Variants in HDHD2 observed in about 807,000 individuals in gnomAD.
HDHD2 encodes haloacid dehalogenase-like hydrolase domain-containing protein 2.
In HDHD2, 26 loss-of-function variants were observed where a neutral mutation model predicts 24.8. That is an observed-to-expected ratio of 1.05 (90% CI 0.77 to 1.45). The LOEUF (loss-of-function observed/expected upper bound fraction) is 1.45. HDHD2 is among the 40% of genes most tolerant of loss of function. The pLI, the probability that HDHD2 is intolerant of heterozygous loss-of-function variation, is 0.00. For synonymous variants in HDHD2, 128 were observed against 114.9 expected (o/e 1.11, Z -0.73); for missense variants, 299 against 313.4 (o/e 0.95, Z 0.35).
chr18:47,109,864 G>A, intron 6 of HDHD2: 1 of 416,366 alleles, frequency 2.4e-6, no homozygotes, highest in Non-Finnish European at 3.2e-6. Context: ...TTTGAGACAG[G>A]GGCTATATCT....
At chr18:47,147,428 C>T (rs1055054359) in intron 1 of HDHD2, among the ~76,000 whole-genome samples, 5 of 152,120 alleles carry the variant, frequency 3.3e-5, no homozygotes, top group Non-Finnish European at 1.5e-5. Context: ...AAGACTAGAC[C>T]GTTCCTAGGG....
intron 4 of HDHD2, among the ~76,000 whole-genome samples, chr18:47,117,123 G>C (rs892454414): frequency 2.6e-5 from 4 of 152,112 alleles, no homozygotes; most frequent in African/African-American, 9.7e-5. Context: ...TATTGAGGAT[G>C]GACTGAAAAG....
At chr18:47,126,450 G>A (rs375702691) in intron 4 of HDHD2, among the ~76,000 whole-genome samples, 2 of 151,672 alleles carry the variant, frequency 1.3e-5, no homozygotes, top group Admixed American at 1.3e-4. Flanking sequence ...AGTCAACAAA[G>A]ACTTCTTATA....
chr18:47,144,900 A>T (rs1489970668), intron 1 of HDHD2, among the ~76,000 whole-genome samples: 1 of 152,160 alleles, frequency 6.6e-6, no homozygotes, highest in East Asian at 1.9e-4. Context: ...GAAACAAGCC[A>T]TGGTAAGGGA....
At chr18:47,124,739 A>T (rs1368420006) in intron 4 of HDHD2, among the ~76,000 whole-genome samples, 1 of 151,086 alleles carries the variant, frequency 6.6e-6, no homozygotes, top group East Asian at 1.9e-4. Flanking sequence ...CAACTTTGAC[A>T]AATCAGTAAG....
chr18:47,143,839 C>A (rs1201831893), intron 1 of HDHD2, among the ~76,000 whole-genome samples: 1 of 152,098 alleles, frequency 6.6e-6, no homozygotes, highest in Non-Finnish European at 1.5e-5. Context: ...CATGTACTAG[C>A]TCAGAAAGCA....
rs950165484 is a variant in HDHD2 at position 47,136,325 on chromosome 18, G to A, written c.101+14C>T. 3 of 1,613,352 alleles carry A rather than the reference G, an allele frequency of 1.9e-6. No individual in the cohort carries two copies. Among genetic ancestry groups the A allele is most frequent in the Non-Finnish European group, 2.5e-6 (3 of 1,179,874 alleles). On this transcript the variant is annotated intron_variant, in intron 2 of 6. Transcript: ENST00000300605. ...ACAAACATATTTGTCAGCTGAACCTGGAGGATAGCTTGCCTTTTAAGAGCT... is the reference window on the plus strand; with the variant it reads ...ACAAACATATTTGTCAGCTGAACCTAGAGGATAGCTTGCCTTTTAAGAGCT...
At chr18:47,133,018 T>C (rs772942202) in intron 3 of HDHD2, among the ~76,000 whole-genome samples, 5 of 152,178 alleles carry the variant, frequency 3.3e-5, no homozygotes, top group African/African-American at 4.8e-5. Context: ...TATTATACTT[T>C]AAGTTCTAGG....
At chr18:47,108,856 C>T (rs1253165845) in intron 6 of HDHD2, 71 bp from the exon 7 acceptor site, 1 of 862,168 alleles carries the variant, frequency 1.2e-6, no homozygotes, top group Non-Finnish European at 2.0e-6. Flanking sequence ...CCCATGAGCA[C>T]CTGGGTCATC....
Position 47,126,933 on chromosome 18 carries a change from G to A in HDHD2, c.395+3311C>T, listed in dbSNP as rs1462424477. Among the ~76,000 whole-genome samples the A allele has an allele frequency of 2.0e-5, 3 of 152,222 alleles. No homozygotes were observed. The East Asian group carries it at 5.8e-4, about 29-fold the overall frequency. ...TAATCCCAGCACTTTGGGAGGCTGAGGCGGGTGGATCACGACGTCAGATCG... is the reference window on the plus strand; with the variant it reads ...TAATCCCAGCACTTTGGGAGGCTGAAGCGGGTGGATCACGACGTCAGATCG... On this transcript the variant is annotated intron_variant, in intron 4 of 6. Transcript: ENST00000300605.
chr18:47,112,410 C>A (rs568317269), intron 6 of HDHD2, among the ~76,000 whole-genome samples: 6 of 152,238 alleles, frequency 3.9e-5, no homozygotes. Flanking sequence ...GTGAATCCTC[C>A]CCACTAAAGT....
At chr18:47,120,182 G>C (rs2063592674) in intron 4 of HDHD2, among the ~76,000 whole-genome samples, 1 of 152,146 alleles carries the variant, frequency 6.6e-6, no homozygotes, top group African/African-American at 2.4e-5. Flanking sequence ...TTCCTCTCTA[G>C]CAATGAAAGT....
chr18:47,135,590 C>G (rs1568057422), intron 2 of HDHD2, among the ~76,000 whole-genome samples: 1 of 152,146 alleles, frequency 6.6e-6, no homozygotes, highest in Non-Finnish European at 1.5e-5. Context: ...TGATTAACAC[C>G]ATACTATGAA....
intron 4 of HDHD2, among the ~76,000 whole-genome samples, chr18:47,128,269 A>G (rs1348306086): frequency 1.3e-5 from 2 of 152,256 alleles, no homozygotes; most frequent in African/African-American, 4.8e-5. Context: ...AGTATTCATT[A>G]AGACAGAGAC....
intron 4 of HDHD2, among the ~76,000 whole-genome samples, chr18:47,119,527 A>G (rs974912986): frequency 7.2e-5 from 11 of 152,348 alleles, no homozygotes; most frequent in Admixed American, 5.9e-4. Flanking sequence ...ATTCAGTAAC[A>G]TCTTCAGGCA....
chr18:47,127,116 G>A (rs367780020), intron 4 of HDHD2, among the ~76,000 whole-genome samples: 87 of 151,952 alleles, frequency 5.7e-4, no homozygotes, highest in Non-Finnish European at 9.0e-4. Flanking sequence ...AGCCAAGATC[G>A]CACCACTGCA....
chr18:47,147,008 T>C (rs1200655885), intron 1 of HDHD2, among the ~76,000 whole-genome samples: 1 of 152,220 alleles, frequency 6.6e-6, no homozygotes, highest in Non-Finnish European at 1.5e-5. Context: ...TTTTGTATAC[T>C]CTTCTATAGA....
chr18:47,129,261 G>A (rs892230966), intron 4 of HDHD2, among the ~76,000 whole-genome samples: 1 of 152,166 alleles, frequency 6.6e-6, no homozygotes, highest in Non-Finnish European at 1.5e-5. Flanking sequence ...GGAAGTACAA[G>A]AACAAGTATG....
At chr18:47,112,879 G>A (rs975932492) in intron 6 of HDHD2, 98 bp downstream of exon 6, 49 of 966,186 alleles carry the variant, frequency 5.1e-5, no homozygotes, top group Non-Finnish European at 5.3e-5. Context: ...GAGAATAAAA[G>A]TGCCCAGGGC....
Sources: gnomAD v4.1 joint callset for allele counts (sites outside exome capture counted in the v4.1 genomes callset) on GRCh38, gnomAD v4.1.1 for gene constraint, MANE v1.5 for transcripts, NCBI Gene and HGNC (gene_info 2026-07-23, HGNC 2026-07-21) for gene names.